Variants in SHLD1 observed in about 807,000 individuals in gnomAD.
SHLD1 encodes RINN1-REV7-interacting novel NHEJ regulator 3.
In SHLD1, 3 loss-of-function variants were observed where a neutral mutation model predicts 5.5. That is an observed-to-expected ratio of 0.54 (90% CI 0.25 to 1.40). SHLD1 has a LOEUF of 1.40. SHLD1 is among the 40% of genes most tolerant of loss of function. The probability of loss-of-function intolerance (pLI) is 0.15; values close to 1 mark genes in which losing one functional copy is unlikely to be tolerated. For synonymous variants in SHLD1, 92 were observed against 94.3 expected (o/e 0.98, Z 0.14); for missense variants, 210 against 244.4 (o/e 0.86, Z 0.94).
chr20:5,835,915 A>G (rs2087783173), intron 2 of SHLD1, among the ~76,000 whole-genome samples: 4 of 152,218 alleles, frequency 2.6e-5, no homozygotes, highest in Admixed American at 2.6e-4. Context: ...AAGGGGCTTT[A>G]TGCTAGCAAC....
At chr20:5,825,525 A>G (rs1441333742) in intron 2 of SHLD1, among the ~76,000 whole-genome samples, 1 of 152,268 alleles carries the variant, frequency 6.6e-6, no homozygotes, top group Non-Finnish European at 1.5e-5. Flanking sequence ...TCTGACATTA[A>G]TAGCCATGTT....
rs559456181 is a variant in SHLD1 at position 5,855,403 on chromosome 20, G to A, written c.179-7621G>A. Among the ~76,000 whole-genome samples, 32 of 152,132 alleles carry A rather than the reference G, an allele frequency of 2.1e-4. No individual in the cohort carries two copies. In the South Asian group the frequency reaches 3.9e-3, roughly 19 times the overall value. On this transcript the variant is annotated intron_variant, in intron 2 of 2. Transcript: ENST00000303142. The surrounding 1 kb of genome is among the most constrained non-coding windows in gnomAD (Gnocchi z 4.4). ...TGTTTTATTTTTGAGACAGAGTCTC[G>A]CTCTGTCACCTAGACTGGAGTACAG...
chr20:5,772,397 G>GT (rs1294972168), intron 1 of SHLD1, among the ~76,000 whole-genome samples: 1 of 152,164 alleles, frequency 6.6e-6, no homozygotes, highest in East Asian at 1.9e-4. Context: ...CTGGACAGGG[G>GT]TAATTAATGT....
At chr20:5,803,229 G>A (rs2087323166) in intron 2 of SHLD1, among the ~76,000 whole-genome samples, 1 of 151,882 alleles carries the variant, frequency 6.6e-6, no homozygotes, top group African/African-American at 2.4e-5. Context: ...ATAGTGGCGT[G>A]ATCATAACTC....
At chr20:5,788,461 C>T (rs1359325267) in intron 2 of SHLD1, among the ~76,000 whole-genome samples, 1 of 152,196 alleles carries the variant, frequency 6.6e-6, no homozygotes, top group Non-Finnish European at 1.5e-5. Context: ...GCCAATAATA[C>T]CCAGAGAGCT....
intron 2 of SHLD1, among the ~76,000 whole-genome samples, chr20:5,832,676 C>T (rs2122444443): frequency 6.6e-6 from 1 of 152,070 alleles, no homozygotes; most frequent in Admixed American, 6.5e-5. Flanking sequence ...AAGTATTCTT[C>T]CGGGGTAAAA....
At chr20:5,779,598 A>G (rs1600113472) in intron 2 of SHLD1, among the ~76,000 whole-genome samples, 1 of 152,246 alleles carries the variant, frequency 6.6e-6, no homozygotes, top group East Asian at 1.9e-4. Flanking sequence ...TAACACCTCC[A>G]GTTCCCAAGC....
chr20:5,812,878 T>C (rs759056757), intron 2 of SHLD1, among the ~76,000 whole-genome samples: 4 of 151,968 alleles, frequency 2.6e-5, no homozygotes, highest in Non-Finnish European at 4.4e-5. Context: ...TTATTTTTAT[T>C]TTTATTTTTT....
At chr20:5,815,516 C>T (rs983653127) in intron 2 of SHLD1, among the ~76,000 whole-genome samples, 17 of 152,180 alleles carry the variant, frequency 1.1e-4, no homozygotes, top group African/African-American at 3.9e-4. Flanking sequence ...GACCCTATGC[C>T]TGTTTTTGTA....
At chr20:5,758,881 G>C (rs1600088607) in intron 1 of SHLD1, among the ~76,000 whole-genome samples, 2 of 151,820 alleles carry the variant, frequency 1.3e-5, no homozygotes, top group African/African-American at 4.8e-5. Context: ...CTGTGGAGGG[G>C]AGAGGGGACT....
At chr20:5,831,193 G>T (rs1171392469) in intron 2 of SHLD1, among the ~76,000 whole-genome samples, 1 of 152,148 alleles carries the variant, frequency 6.6e-6, no homozygotes, top group African/African-American at 2.4e-5. Context: ...GTATTTAATT[G>T]TCTTTAAGCA....
At chr20:5,807,279 G>A (rs928610916) in intron 2 of SHLD1, among the ~76,000 whole-genome samples, 1 of 152,210 alleles carries the variant, frequency 6.6e-6, no homozygotes, top group South Asian at 2.1e-4. Context: ...AGTTTCATAA[G>A]TTACTATTTA....
At chr20:5,766,635 C>A (rs1984843694) in intron 1 of SHLD1, among the ~76,000 whole-genome samples, 1 of 152,184 alleles carries the variant, frequency 6.6e-6, no homozygotes, top group Non-Finnish European at 1.5e-5. Flanking sequence ...ATAGGATTAC[C>A]TGCCTCATAG....
intron 1 of SHLD1, among the ~76,000 whole-genome samples, chr20:5,751,243 A>C (rs1267500149): frequency 1.3e-5 from 2 of 152,168 alleles, no homozygotes; most frequent in African/African-American, 4.8e-5. Flanking sequence ...CATACAGTGC[A>C]GCTGGCTTCT....
intron 2 of SHLD1, among the ~76,000 whole-genome samples, chr20:5,787,928 C>T (rs1337341167): frequency 6.6e-6 from 1 of 152,174 alleles, no homozygotes; most frequent in Non-Finnish European, 1.5e-5. Context: ...TAGTCTCTCT[C>T]AAAAGCCCCT....
chr20:5,758,423 ATATT>A (rs1984261509), intron 1 of SHLD1, among the ~76,000 whole-genome samples: 1 of 65,000 alleles, frequency 1.5e-5, no homozygotes, highest in African/African-American at 3.9e-5. Flanking sequence ...ATTTTTTTTT[ATATT>A]TTTTTTTTTT....
chr20:5,852,380 C>T (rs1320191670), intron 2 of SHLD1, among the ~76,000 whole-genome samples: 4 of 151,018 alleles, frequency 2.6e-5, no homozygotes, highest in Non-Finnish European at 5.9e-5. Context: ...CATTATGTTG[C>T]TCAAATCACC....
chr20:5,760,767 A>G (rs1984416411), intron 1 of SHLD1, among the ~76,000 whole-genome samples: 1 of 152,072 alleles, frequency 6.6e-6, no homozygotes, highest in Admixed American at 6.6e-5. Context: ...GAGGGTCTGC[A>G]TTGAAGAAGA....
chr20:5,814,195 A>G, intron 2 of SHLD1, among the ~76,000 whole-genome samples: 1 of 151,708 alleles, frequency 6.6e-6, no homozygotes, highest in East Asian at 1.9e-4. Flanking sequence ...AGCTCAAGCG[A>G]TCCACCCACC....
Sources: allele counts gnomAD v4.1 joint callset (sites outside exome capture counted in the v4.1 genomes callset), GRCh38; gene constraint gnomAD v4.1.1; non-coding constraint Gnocchi (gnomAD v3.1); transcripts MANE v1.5; gene names NCBI Gene and HGNC (gene_info 2026-07-23, HGNC 2026-07-21).